Variants in ANKRD60 observed in about 807,000 individuals in gnomAD.
ANKRD60 encodes ankyrin repeat domain 60.
Under a neutral mutation model 21.3 loss-of-function variants are expected in ANKRD60, and 24 were observed. The observed-to-expected ratio is 1.13, with a 90% CI of 0.82 to 1.59. ANKRD60 has a LOEUF of 1.59. Ranked by LOEUF, ANKRD60 falls within the 40% of genes most tolerant of loss-of-function variation. The probability of loss-of-function intolerance (pLI) is 0.00; values close to 1 mark genes in which losing one functional copy is unlikely to be tolerated. For synonymous variants in ANKRD60, 182 were observed against 199.4 expected, an observed-to-expected ratio of 0.91 and a Z score of 0.74; for missense variants, 490 against 466.7, an observed-to-expected ratio of 1.05 and a Z score of -0.46.
At chr20:58,217,620 C>A (rs1041603835), downstream of ANKRD60, among the ~76,000 whole-genome samples, 1 of 151,928 alleles carries the variant, frequency 6.6e-6, no homozygotes, top group Non-Finnish European at 1.5e-5. Context: ...CTCGTGCACT[C>A]GGCAGGCTGG....
At chr20:58,216,833 C>T (rs1433324212), downstream of ANKRD60, among the ~76,000 whole-genome samples, 1 of 152,230 alleles carries the variant, frequency 6.6e-6, no homozygotes, top group African/African-American at 2.4e-5. Context: ...GGTCACAAGA[C>T]TACTGCCACA....
In ANKRD60 at chr20:58,228,632, C is replaced by T. The variant is rs996261778; in HGVS notation, c.22G>A (p.Gly8Arg). Residue 8 changes from glycine to arginine, a missense_variant, in exon 1 of 4, where the codon GGG (glycine) becomes AGG (arginine). Gly to Arg is a moderately radical substitution (Grantham distance 125). Transcript: ENST00000457363. This position sits in a 1 kb window ranked among gnomAD's most constrained non-coding sequence, Gnocchi z 5.3. Reference sequence around the variant, plus strand: ...GCCCCCGCCGCCGCCCGCCGCATCCCCCAGGCGCGGCCGCGCGTCATCCGC... The same window carrying T: ...GCCCCCGCCGCCGCCCGCCGCATCCTCCAGGCGCGGCCGCGCGTCATCCGC... 3.1e-6 allele frequency: 3 copies of T among 957,956 alleles called. No homozygotes were observed. The highest frequency in any genetic ancestry group is 3.8e-6 in the Non-Finnish European group (3 of 795,168). 59.3% of individuals were successfully genotyped at this position (957,956 alleles called of 1,614,324 possible).
At chr20:58,220,683 A>AGTGTGTGTGT (rs36015489) in intron 3 of ANKRD60, among the ~76,000 whole-genome samples, 81 of 148,506 alleles carry the variant, frequency 5.5e-4, no homozygotes, top group Middle Eastern at 3.4e-3. Context: ...GGTTTTTTCT[A>AGTGTGTGTGT]GTGTGTGTGT....
intron 3 of ANKRD60, among the ~76,000 whole-genome samples, chr20:58,219,502 C>T (rs1208243472): frequency 1.3e-5 from 2 of 152,174 alleles, no homozygotes; most frequent in African/African-American, 4.8e-5. Flanking sequence ...CAGGAAATGA[C>T]GCAATGGGCA....
intron 3 of ANKRD60, 73 bp from the exon 4 acceptor site, chr20:58,218,878 G>A (rs1984189092): frequency 7.1e-7 from 1 of 1,401,508 alleles, no homozygotes; most frequent in South Asian, 1.4e-5. Context: ...GGGCTGTGAA[G>A]GGAGTGCTCC....
downstream of ANKRD60, among the ~76,000 whole-genome samples, chr20:58,216,701 A>C (rs912730380): frequency 9.9e-5 from 15 of 152,258 alleles, no homozygotes; most frequent in African/African-American, 3.6e-4. Flanking sequence ...CACAGATCTT[A>C]CTTGCTATGA....
exon 4 of ANKRD60, chr20:58,218,749 C>G: frequency 6.4e-7 from 1 of 1,551,412 alleles, no homozygotes; most frequent in South Asian, 1.2e-5. Context: ...CGGCCCATAG[C>G]TGCAGCCACA....
In ANKRD60 at chr20:58,228,565, C is replaced by A; in HGVS notation, c.89G>T (p.Arg30Leu). ...CCTGCGTCCCGCATTGGGGTGCAGG[C>A]GAGAGGCGCCCCCAGTTGGCCCCGC... Residue 30 changes from arginine to leucine, a missense_variant, in exon 1 of 4, where the codon CGC becomes CTC. Coordinates refer to ENST00000457363, the Ensembl canonical transcript of ANKRD60. The surrounding 1 kb of genome is among the most constrained non-coding windows in gnomAD (Gnocchi z 5.3). The A allele has an allele frequency of 8.2e-7, 1 of 1,216,370 alleles. No individual in the cohort carries two copies. Among genetic ancestry groups the A allele is most frequent in the Admixed American group, 4.3e-5 (1 of 23,326 alleles). The allele number at this position is 1,216,370 out of a possible 1,614,324, so 75.3% of individuals were successfully genotyped here. A position where few individuals can be genotyped will look rare whatever the true frequency, so the allele number is the denominator to read the frequency against.
At chr20:58,221,098 G>T (rs1445097025) in intron 3 of ANKRD60, among the ~76,000 whole-genome samples, 1 of 152,180 alleles carries the variant, frequency 6.6e-6, no homozygotes, top group Non-Finnish European at 1.5e-5. Flanking sequence ...CTGCCTCACT[G>T]AAGCAGAAAG....
downstream of ANKRD60, among the ~76,000 whole-genome samples, chr20:58,217,623 C>T (rs1306059839): frequency 2.6e-5 from 4 of 152,002 alleles, no homozygotes; most frequent in Non-Finnish European, 5.9e-5. Flanking sequence ...GTGCACTCGG[C>T]AGGCTGGGAC....
Position 58,228,551 on chromosome 20 carries a change from C to T in ANKRD60, c.103G>A (p.Ala35Thr). The change falls in exon 1 of 4, where the codon GCG becomes ACG. Residue 35 changes from alanine (A) to threonine (T), a missense_variant. Ala to Thr is a moderately conservative substitution (Grantham distance 58). Transcript: ENST00000457363. This position sits in a 1 kb window ranked among gnomAD's most constrained non-coding sequence, Gnocchi z 5.3. ...GCCCGCGCACCGCTCCTGCGTCCCG[C>T]ATTGGGGTGCAGGCGAGAGGCGCCC... The T allele has an allele frequency of 7.7e-7, 1 of 1,300,272 alleles. No individual in the cohort carries two copies. Among genetic ancestry groups the T allele is most frequent in the African/African-American group, 1.6e-5 (1 of 64,160 alleles). The allele number at this position is 1,300,272 out of a possible 1,614,324, so 80.5% of individuals were successfully genotyped here. A position where few individuals can be genotyped will look rare whatever the true frequency, so the allele number is the denominator to read the frequency against.
chr20:58,218,670 G>T (rs1254805956), exon 4 of ANKRD60: 9 of 1,551,628 alleles, frequency 5.8e-6, no homozygotes, highest in South Asian at 3.6e-5. Flanking sequence ...GGAGATGGGG[G>T]TCTCCCCCTT....
At chr20:58,218,834 A>C (rs1487419222) in intron 3 of ANKRD60, 29 bp from the exon 4 acceptor site, 1 of 1,506,098 alleles carries the variant, frequency 6.6e-7, no homozygotes, top group South Asian at 1.3e-5. Context: ...GGCCAGAAGG[A>C]AGACATGCGG....
chr20:58,220,489 C>CAGAG (rs11469843), intron 3 of ANKRD60, among the ~76,000 whole-genome samples: 42,259 of 144,092 alleles, frequency 0.29, 6,002 homozygotes, highest in Non-Finnish European at 0.31. Context: ...TCAAGAGAGC[C>CAGAG]AGAGAGAGAG....
At chr20:58,223,282 G>T in intron 1 of ANKRD60, 100 bp from the exon 2 acceptor site, 1 of 1,004,286 alleles carries the variant, frequency 1.0e-6, no homozygotes, top group Non-Finnish European at 1.4e-6. Flanking sequence ...GTGCCACAAA[G>T]ATAATTTTAG....
At chr20:58,218,614 G>T (rs552893451) in exon 4 of ANKRD60, 1 of 1,551,770 alleles carries the variant, frequency 6.4e-7, no homozygotes. Flanking sequence ...CGGTGGAGGA[G>T]GACCATCTGC....
In ANKRD60 at chr20:58,224,315, C is replaced by T. The variant is rs377188190; in HGVS notation, c.431-1133G>A. 9.2e-5 allele frequency among the ~76,000 whole-genome samples: 14 copies of T among 152,300 alleles called. No homozygotes were observed. The South Asian group carries it at 1.5e-3, about 16-fold the overall frequency. On this transcript the variant is annotated intron_variant, in intron 1 of 3. Transcript: ENST00000457363. Reference sequence around the variant, plus strand: ...CCAGGTGACACAGTCTAGAGTCCAACTGAGTGGGATTCATGAGTTTTCTGG... The same window carrying T: ...CCAGGTGACACAGTCTAGAGTCCAATTGAGTGGGATTCATGAGTTTTCTGG...
chr20:58,218,560 T>C (rs1289100508), exon 4 of ANKRD60: 3 of 1,551,726 alleles, frequency 1.9e-6, no homozygotes, highest in Non-Finnish European at 2.6e-6. Context: ...AAAGCATTCT[T>C]CATGACCAAG....
intron 1 of ANKRD60, among the ~76,000 whole-genome samples, chr20:58,225,993 G>A (rs1209131591): frequency 6.6e-6 from 1 of 152,174 alleles, no homozygotes; most frequent in Non-Finnish European, 1.5e-5. Flanking sequence ...TGCCACATGG[G>A]ACTTGTCTGG....
Sources: allele counts gnomAD v4.1 joint callset (sites outside exome capture counted in the v4.1 genomes callset), GRCh38; gene constraint gnomAD v4.1.1; non-coding constraint Gnocchi (gnomAD v3.1); transcripts MANE v1.5; gene names NCBI Gene and HGNC (gene_info 2026-07-23, HGNC 2026-07-21).